The following FBLN1 variants were observed in gnomAD, a reference collection of about 807,000 sequenced individuals.
FBLN1 encodes fibulin 1.
FBLN1 carries 34 observed loss-of-function variants against 89.7 expected under a neutral mutation model. The ratio of observed to expected loss-of-function variants is 0.38; its 90% CI spans 0.29 to 0.50. The LOEUF (loss-of-function observed/expected upper bound fraction) is 0.50, where lower values mean the gene tolerates loss of function less well. Among genes scored for constraint, FBLN1 ranks in the 20% least tolerant of loss-of-function variants. The pLI, the probability that FBLN1 is intolerant of heterozygous loss-of-function variation, is 0.92. For missense variants in FBLN1, 777 were observed against 988.1 expected, an observed-to-expected ratio of 0.79 and a Z score of 2.86; for synonymous variants, 393 against 391.3, an observed-to-expected ratio of 1.00 and a Z score of -0.05.
chr22:45,535,162 A>ACT lies in FBLN1; in HGVS notation c.785-35_785-34dup, dbSNP rs2088467382. The ACT allele has an allele frequency of 1.9e-6, 3 of 1,613,192 alleles. No individual in the cohort carries two copies. The Admixed American group carries it at 5.0e-5, about 27-fold the overall frequency. On this transcript the variant is annotated intron_variant, in intron 7 of 16. Coordinates refer to ENST00000327858, the MANE Select transcript of FBLN1 (RefSeq NM_006486.3). ...AGTGTTGTAAGATGCTTCTGGCAGG[A>ACT]CTCTTGCTAACAATTTCCTTTTTTT...
chr22:45,569,527 G>A (rs5764790), intron 14 of FBLN1, among the ~76,000 whole-genome samples: 1 of 151,436 alleles, frequency 6.6e-6, no homozygotes, highest in Non-Finnish European at 1.5e-5. Flanking sequence ...TAATCTCAGC[G>A]ACTTGGGAGG....
At chr22:45,586,748 C>T (rs1242726920) in intron 16 of FBLN1, among the ~76,000 whole-genome samples, 2 of 152,084 alleles carry the variant, frequency 1.3e-5, no homozygotes, top group African/African-American at 2.4e-5. Flanking sequence ...GCAGGTGTTT[C>T]GGAAGGAGTA....
chr22:45,547,243 CT>C (rs752326620), intron 12 of FBLN1, 39 bp downstream of exon 12: 2 of 1,610,660 alleles, frequency 1.2e-6, no homozygotes, highest in Non-Finnish European at 1.7e-6. Flanking sequence ...AAAGCACCCC[CT>C]GGTCTTGCCA....
chr22:45,548,667 T>A lies in FBLN1; in HGVS notation c.1496T>A (p.Ile499Asn). ...TGGHICSYRC[I>N]NIPGSFQCSC... ...GGCCACATCTGCTCCTACCGCTGCATCAACATCCCTGGAAGCTTCCAGTGC... is the reference window on the plus strand; with the variant it reads ...GGCCACATCTGCTCCTACCGCTGCAACAACATCCCTGGAAGCTTCCAGTGC... The change falls in exon 13 of 17, where the codon ATC becomes AAC. Residue 499 changes from isoleucine (I) to asparagine (N), a missense_variant. By Grantham distance (149) the Ile-to-Asn change is moderately radical (BLOSUM62 -3). Transcript: ENST00000327858. 6.2e-7 allele frequency: 1 copy of A among 1,613,820 alleles called. No individual in the cohort carries two copies. The highest frequency in any genetic ancestry group is 8.5e-7 in the Non-Finnish European group (1 of 1,180,008).
intron 16 of FBLN1, among the ~76,000 whole-genome samples, chr22:45,595,544 G>A (rs1346113103): frequency 6.6e-6 from 1 of 151,924 alleles, no homozygotes; most frequent in Non-Finnish European, 1.5e-5. Flanking sequence ...GTCTCACCAC[G>A]CAGCTGTTTA....
chr22:45,563,559 A>C lies in FBLN1; in HGVS notation c.1698-10952A>C, dbSNP rs118001978. ...CCGACAGGGAGGCCAGGCCGGGTAC[A>C]TCATTTCACATGTGTTAACTTGTCT... On this transcript the variant is annotated intron_variant, in intron 14 of 16. Transcript: ENST00000327858. The surrounding 1 kb of genome is among the most constrained non-coding windows in gnomAD (Gnocchi z 5.7). Among the ~76,000 whole-genome samples, 1 of 152,186 alleles carries C rather than the reference A, an allele frequency of 6.6e-6. No homozygotes were observed. The highest frequency in any genetic ancestry group is 1.5e-5 in the Non-Finnish European group (1 of 68,034).
At chr22:45,596,101 C>A (rs1382170433) in intron 16 of FBLN1, among the ~76,000 whole-genome samples, 2 of 152,188 alleles carry the variant, frequency 1.3e-5, no homozygotes, top group African/African-American at 2.4e-5. Context: ...GATCTCCTGA[C>A]CTTGTGATCC....
At chr22:45,512,088 G>T (rs1398760952) in intron 1 of FBLN1, among the ~76,000 whole-genome samples, 1 of 151,866 alleles carries the variant, frequency 6.6e-6, no homozygotes, top group Non-Finnish European at 1.5e-5. Flanking sequence ...TTACCAGCGA[G>T]TGCCTGTTCT....
intron 1 of FBLN1, chr22:45,517,564 A>T: frequency 2.1e-6 from 1 of 471,154 alleles, no homozygotes; most frequent in South Asian, 1.5e-5. Flanking sequence ...TGATCCTTTC[A>T]TCTGCCCTTT....
Position 45,525,777 on chromosome 22 carries a change from C to T in FBLN1, c.321+99C>T, listed in dbSNP as rs542410173. The T allele has an allele frequency of 1.7e-3, 2,455 of 1,461,502 alleles. 4 individuals are homozygous for T. The highest frequency in any genetic ancestry group is 2.8e-3 in the Admixed American group (142 of 50,792). 90.5% of individuals were successfully genotyped at this position (1,461,502 alleles called of 1,614,324 possible). ...GGCACTGTCTGTCAGCGCTCCCTGC[C>T]TCAGGCCACCTTTCTTTGTGAGCAG... On this transcript the variant is annotated intron_variant, in intron 3 of 16. Transcript: ENST00000327858.
intron 16 of FBLN1, among the ~76,000 whole-genome samples, chr22:45,582,452 G>A (rs1260100692): frequency 2.0e-5 from 3 of 152,120 alleles, no homozygotes; most frequent in Non-Finnish European, 4.4e-5. Context: ...GGTCCTGGAG[G>A]GTCTCTCTCC....
chr22:45,525,701 G>T, intron 3 of FBLN1, 23 bp downstream of exon 3: 1 of 1,551,186 alleles, frequency 6.4e-7, no homozygotes, highest in African/African-American at 1.4e-5. Context: ...GACCATGTGG[G>T]GTCGCTGCCC....
chr22:45,568,733 C>CTT (rs2088924875), intron 14 of FBLN1, among the ~76,000 whole-genome samples: 1 of 73,818 alleles, frequency 1.4e-5, no homozygotes, highest in Non-Finnish European at 2.7e-5. Context: ...GGAGAATGCT[C>CTT]CTGTAGGGGA....
chr22:45,570,373 A>G (rs980855835), intron 14 of FBLN1, among the ~76,000 whole-genome samples: 2 of 150,342 alleles, frequency 1.3e-5, no homozygotes, highest in Non-Finnish European at 3.0e-5. Context: ...AAAGAAAAAG[A>G]AAAAAAGAAA....
Position 45,571,285 on chromosome 22 carries a change from A to G in FBLN1, c.1698-3226A>G, listed in dbSNP as rs188792402. Among the ~76,000 whole-genome samples, 112 of 152,350 alleles carry G rather than the reference A, an allele frequency of 7.4e-4. 1 individual carries two copies. The East Asian group carries it at 0.021, about 28-fold the overall frequency. The stretch of plus-strand genomic sequence containing the variant: ...ATAAATAACATATTAAGGACTCTCA[A>G]GAAAAGTTAAGCCCAGAATTTTATA... On this transcript the variant is annotated intron_variant, in intron 14 of 16. Coordinates refer to ENST00000327858, the MANE Select transcript of FBLN1 (RefSeq NM_006486.3).
chr22:45,575,382 G>C lies in FBLN1; in HGVS notation c.1840+729G>C, dbSNP rs186520094. On this transcript the variant is annotated intron_variant, in intron 15 of 16. Transcript: ENST00000327858. This position sits in a 1 kb window ranked among gnomAD's most constrained non-coding sequence, Gnocchi z 6.3. ...CCAGAAGGGTCTGGAGGTATGGGGG[G>C]GCGGTGTGGGCGTTTGAGAAACTGA... Among the ~76,000 whole-genome samples, 6 of 152,188 alleles carry C rather than the reference G, an allele frequency of 3.9e-5. No homozygotes were observed. The highest frequency in any genetic ancestry group is 1.2e-4 in the African/African-American group (5 of 41,530).
intron 1 of FBLN1, among the ~76,000 whole-genome samples, chr22:45,504,973 C>G (rs958877086): frequency 1.3e-5 from 2 of 152,208 alleles, no homozygotes; most frequent in African/African-American, 2.4e-5. Context: ...GTGAGGCCCC[C>G]GAAGCCCTGT....
At chr22:45,592,549 A>G (rs2146665385) in intron 16 of FBLN1, among the ~76,000 whole-genome samples, 1 of 152,242 alleles carries the variant, frequency 6.6e-6, no homozygotes, top group South Asian at 2.1e-4. Flanking sequence ...GCTGGTCTCG[A>G]ACTCCTGACC....
rs889925486 is a variant in FBLN1 at position 45,590,225 on chromosome 22, T to C, written c.1973-10082T>C. Among the ~76,000 whole-genome samples the C allele has an allele frequency of 6.6e-6, 1 of 152,204 alleles. No individual in the cohort carries two copies. Among genetic ancestry groups the C allele is most frequent in the South Asian group, 2.1e-4 (1 of 4,834 alleles). ...GGGCTGCCCGCCAGGCCAGCCTCTC[T>C]TCCCCCCCATCCCTCCAGACCTTCA... On this transcript the variant is annotated intron_variant, in intron 16 of 16. Coordinates refer to ENST00000327858, the MANE Select transcript of FBLN1 (RefSeq NM_006486.3). The surrounding 1 kb of genome is among the most constrained non-coding windows in gnomAD (Gnocchi z 4.1).
Sources: gnomAD v4.1 joint callset for allele counts (sites outside exome capture counted in the v4.1 genomes callset) on GRCh38, gnomAD v4.1.1 for gene constraint, Gnocchi (gnomAD v3.1) non-coding constraint, MANE v1.5 for transcripts, NCBI Gene and HGNC (gene_info 2026-07-23, HGNC 2026-07-21) for gene names.